Variants in RASGRF2 observed in about 807,000 individuals in gnomAD.
RASGRF2 encodes the protein Ras protein specific guanine nucleotide releasing factor 2.
A neutral mutation model predicts 151.0 loss-of-function variants in RASGRF2; 76 were observed. That is an observed-to-expected ratio of 0.50 (90% CI 0.42 to 0.61). The LOEUF (loss-of-function observed/expected upper bound fraction) is 0.61, where lower values mean the gene tolerates loss of function less well. Among genes scored for constraint, RASGRF2 ranks in the 20% least tolerant of loss-of-function variants. The pLI, the probability that RASGRF2 is intolerant of heterozygous loss-of-function variation, is 0.00. For synonymous variants in RASGRF2, 504 were observed against 566.5 expected, an observed-to-expected ratio of 0.89 and a Z score of 1.57; for missense variants, 1,148 against 1,564.6, an observed-to-expected ratio of 0.73 and a Z score of 4.49.
chr5:81,083,156 C>A (rs993079190), intron 7 of RASGRF2, among the ~76,000 whole-genome samples: 15 of 152,182 alleles, frequency 9.9e-5, no homozygotes, highest in African/African-American at 3.6e-4. Flanking sequence ...GTATTTGAAT[C>A]CCTTGGAGGG....
intron 15 of RASGRF2, among the ~76,000 whole-genome samples, chr5:81,121,344 G>C (rs1337902697): frequency 1.3e-5 from 2 of 152,128 alleles, no homozygotes; most frequent in Admixed American, 1.3e-4. Context: ...CCACCTCATT[G>C]TATAATATCA....
At chr5:81,206,809 T>C in intron 19 of RASGRF2, 36 bp from the exon 20 acceptor site, 18 of 1,562,766 alleles carry the variant, frequency 1.2e-5, no homozygotes, top group Non-Finnish European at 1.5e-5. Context: ...TTGTCTATTT[T>C]TTCTTTCATG....
intron 12 of RASGRF2, among the ~76,000 whole-genome samples, chr5:81,105,691 T>C (rs568370226): frequency 2.6e-4 from 40 of 152,332 alleles, no homozygotes; most frequent in African/African-American, 9.1e-4. Flanking sequence ...TCAGAAACAC[T>C]GAGAGTGAAA....
chr5:81,207,581 C>T (rs57866770), intron 21 of RASGRF2, among the ~76,000 whole-genome samples: 12,320 of 152,202 alleles, frequency 0.081, 968 homozygotes, highest in East Asian at 0.26. Context: ...CTTAGTCAAC[C>T]TGAGTATCAG....
chr5:80,989,282 A>AT lies in RASGRF2; in HGVS notation c.288+28265dup, dbSNP rs1250985081. On this transcript the variant is annotated intron_variant, in intron 1 of 26. Coordinates refer to ENST00000265080, the MANE Select transcript of RASGRF2 (RefSeq NM_006909.3). ...CACTGTGCCTGGCCATATAATTGGT[A>AT]TTTTTTTTTAAAAGAAAGAACTCCT... Among the ~76,000 whole-genome samples, 90 of 151,518 alleles carry AT rather than the reference A, an allele frequency of 5.9e-4. 1 individual carries two copies. Among genetic ancestry groups the AT allele is most frequent in the African/African-American group, 7.7e-4 (32 of 41,388 alleles).
intron 17 of RASGRF2, among the ~76,000 whole-genome samples, chr5:81,128,356 A>G (rs1753525606): frequency 6.6e-6 from 1 of 152,214 alleles, no homozygotes; most frequent in South Asian, 2.1e-4. Flanking sequence ...TTCAGTATAT[A>G]CGTACATCAA....
chr5:81,044,048 A>G (rs1750758968), intron 2 of RASGRF2, among the ~76,000 whole-genome samples: 1 of 152,226 alleles, frequency 6.6e-6, no homozygotes, highest in Non-Finnish European at 1.5e-5. Flanking sequence ...GGATTGGGGC[A>G]CATTCATGTC....
intron 1 of RASGRF2, among the ~76,000 whole-genome samples, chr5:80,976,801 G>A (rs751239924): frequency 1.2e-4 from 18 of 152,128 alleles, no homozygotes; most frequent in Non-Finnish European, 2.4e-4. Context: ...TACATTTTAA[G>A]GTGGGTCCAC....
intron 1 of RASGRF2, among the ~76,000 whole-genome samples, chr5:81,007,091 G>A (rs7713853): frequency 0.098 from 14,872 of 152,058 alleles, 743 homozygotes; most frequent in South Asian, 0.12. Context: ...TGTGTGATCC[G>A]CCTGCCTCCG....
At chr5:81,032,311 C>G (rs1480090290) in intron 1 of RASGRF2, among the ~76,000 whole-genome samples, 3 of 152,202 alleles carry the variant, frequency 2.0e-5, no homozygotes. Flanking sequence ...CTAGCATCAT[C>G]TTGATACCAA....
chr5:80,982,580 C>CTATTAT (rs10634471), intron 1 of RASGRF2, among the ~76,000 whole-genome samples: 3,674 of 135,114 alleles, frequency 0.027, 88 homozygotes, highest in African/African-American at 0.056. Flanking sequence ...AAATTTGGTT[C>CTATTAT]TATTATTATT....
intron 2 of RASGRF2, among the ~76,000 whole-genome samples, chr5:81,067,441 C>A (rs1421883052): frequency 1.3e-5 from 2 of 152,160 alleles, no homozygotes; most frequent in African/African-American, 4.8e-5. Context: ...CCCAAATAAT[C>A]TAAACTTAAT....
At chr5:81,013,684 T>C (rs979366625) in intron 1 of RASGRF2, among the ~76,000 whole-genome samples, 9 of 151,924 alleles carry the variant, frequency 5.9e-5, no homozygotes, top group African/African-American at 2.2e-4. Flanking sequence ...TTGTATGTAT[T>C]ATCCCAGATT....
chr5:81,216,348 T>TAC (rs10648156), intron 24 of RASGRF2, among the ~76,000 whole-genome samples: 14,606 of 147,436 alleles, frequency 0.099, 786 homozygotes, highest in Middle Eastern at 0.18. Context: ...ATTCCCTTTC[T>TAC]ACACACACAC....
At chr5:81,216,980 A>G (rs1353772938) in intron 24 of RASGRF2, 2 of 457,940 alleles carry the variant, frequency 4.4e-6, no homozygotes, top group Admixed American at 4.7e-5. Flanking sequence ...AAGGCTGAAT[A>G]CTTGATTTAA....
intron 14 of RASGRF2, 50 bp downstream of exon 14, chr5:81,112,908 G>A (rs1333203713): frequency 8.1e-6 from 13 of 1,607,088 alleles, no homozygotes; most frequent in East Asian, 2.2e-5. Context: ...GGCCCTCTTC[G>A]TTCCGGAGTC....
chr5:81,143,138 C>T (rs1253513082), intron 17 of RASGRF2, among the ~76,000 whole-genome samples: 2 of 152,046 alleles, frequency 1.3e-5, no homozygotes, highest in African/African-American at 2.4e-5. Flanking sequence ...AGAAAATACA[C>T]ATTTTTTATT....
intron 2 of RASGRF2, among the ~76,000 whole-genome samples, chr5:81,066,373 T>C (rs962357834): frequency 6.6e-6 from 1 of 152,192 alleles, no homozygotes; most frequent in African/African-American, 2.4e-5. Context: ...AGATAATTGA[T>C]CTAAAATTGT....
chr5:81,027,795 C>T (rs1750088383), intron 1 of RASGRF2, among the ~76,000 whole-genome samples: 2 of 152,190 alleles, frequency 1.3e-5, no homozygotes, highest in Non-Finnish European at 2.9e-5. Flanking sequence ...CAGGCAGAGT[C>T]AGCTGCGAGT....
Sources: allele counts gnomAD v4.1 joint callset (sites outside exome capture counted in the v4.1 genomes callset), GRCh38; gene constraint gnomAD v4.1.1; transcripts MANE v1.5; gene names NCBI Gene and HGNC (gene_info 2026-07-23, HGNC 2026-07-21).